Variants in CLPB observed in about 807,000 individuals in gnomAD.
The protein encoded by CLPB is mitochondrial disaggregase.
A neutral mutation model predicts 78.4 loss-of-function variants in CLPB; 40 were observed. The ratio of observed to expected loss-of-function variants is 0.51; its 90% CI spans 0.40 to 0.66. The LOEUF (loss-of-function observed/expected upper bound fraction) is 0.66, where lower values mean the gene tolerates loss of function less well. Among genes scored for constraint, CLPB ranks in the 30% least tolerant of loss-of-function variants. The pLI, the probability that CLPB is intolerant of heterozygous loss-of-function variation, is 0.00. For synonymous variants in CLPB, 333 were observed against 348.0 expected (o/e 0.96, Z 0.48); for missense variants, 780 against 886.9 (o/e 0.88, Z 1.53).
At chr11:72,362,049 G>C (rs1950849037) in intron 4 of CLPB, among the ~76,000 whole-genome samples, 2 of 152,200 alleles carry the variant, frequency 1.3e-5, no homozygotes, top group Non-Finnish European at 1.5e-5. Flanking sequence ...GAGGCCCACT[G>C]CTCACCTCAG....
At chr11:72,331,780 G>A (rs1362868565) in intron 5 of CLPB, among the ~76,000 whole-genome samples, 1 of 150,652 alleles carries the variant, frequency 6.6e-6, no homozygotes, top group Non-Finnish European at 1.5e-5. Flanking sequence ...CATCATGTTG[G>A]CCAGGCTGGT....
intron 3 of CLPB, among the ~76,000 whole-genome samples, chr11:72,392,404 GC>G (rs949531806): frequency 7.2e-5 from 11 of 152,116 alleles, no homozygotes; most frequent in African/African-American, 9.7e-5. Flanking sequence ...AAGCCGGGTG[GC>G]CCAACCAAAG....
Position 72,434,380 on chromosome 11 carries a change from G to C in CLPB, c.95C>G (p.Ala32Gly). The part of the protein sequence containing the change: ...RSPTLRGHGG[A>G]SGRNVTTGSL... Reference sequence around the variant, plus strand: ...CCCAGTAGTCACATTCCGGCCGGAAGCACCTCCATGGCCCCGGAGCGTTGG... The same window carrying C: ...CCCAGTAGTCACATTCCGGCCGGAACCACCTCCATGGCCCCGGAGCGTTGG... The change falls in exon 1 of 16, where the codon GCT (alanine) becomes GGT (glycine). Residue 32 changes from alanine (A) to glycine (G), a missense_variant. Around this residue, in one of 3 missense-constraint regions of CLPB, gnomAD observed 417 missense variants for 414.7 expected, o/e 1.01. Transcript: ENST00000538039. 6.2e-7 allele frequency: 1 copy of C among 1,611,602 alleles called. No individual in the cohort carries two copies. The highest frequency in any genetic ancestry group is 8.5e-7 in the Non-Finnish European group (1 of 1,178,734).
chr11:72,384,618 AG>A (rs1232377969), intron 3 of CLPB, among the ~76,000 whole-genome samples: 3 of 152,186 alleles, frequency 2.0e-5, no homozygotes, highest in Non-Finnish European at 4.4e-5. Context: ...GATTAAAAAG[AG>A]TAAGACCCTA....
chr11:72,422,480 A>G (rs1856239604), intron 2 of CLPB, among the ~76,000 whole-genome samples: 1 of 152,146 alleles, frequency 6.6e-6, no homozygotes, highest in African/African-American at 2.4e-5. Context: ...CCTTTCCAAC[A>G]TTCTGGAAAG....
At chr11:72,301,537 C>T (rs914290073) in intron 11 of CLPB, among the ~76,000 whole-genome samples, 7 of 152,172 alleles carry the variant, frequency 4.6e-5, no homozygotes, top group African/African-American at 1.7e-4. Context: ...TCTCATGGCA[C>T]CTCTGCCATA....
chr11:72,292,053 A>AG lies in CLPB; in HGVS notation c.*1313_*1314insC, dbSNP rs1949460909. ...GTGAGACTCTGTCTCAAAAAAAAAA[A>AG]AAAAAAAAAAAAGGCAGTCAGTGAG... On this transcript the variant is annotated 3_prime_UTR_variant, in exon 16 of 16. Coordinates refer to ENST00000538039, the MANE Select transcript of CLPB (RefSeq NM_001258392.3). 3 of 152,068 alleles carry AG rather than the reference A, an allele frequency of 2.0e-5. No individual in the cohort carries two copies. Among genetic ancestry groups the AG allele is most frequent in the Admixed American group, 6.6e-5 (1 of 15,206 alleles). The allele number at this position is 152,068 out of a possible 1,614,324, so 9.4% of individuals were successfully genotyped here.
chr11:72,337,687 G>C (rs911049444), intron 5 of CLPB, among the ~76,000 whole-genome samples: 2 of 151,950 alleles, frequency 1.3e-5, no homozygotes, highest in African/African-American at 4.8e-5. Context: ...TATTTTTTTA[G>C]GAAAGGAAGC....
intron 2 of CLPB, among the ~76,000 whole-genome samples, chr11:72,409,697 G>C (rs1275832548): frequency 6.6e-6 from 1 of 152,164 alleles, no homozygotes; most frequent in Non-Finnish European, 1.5e-5. Context: ...GGTTCTGGGG[G>C]CCAGGTGCAG....
intron 3 of CLPB, 21 bp downstream of exon 3, chr11:72,402,945 G>T (rs1488504176): frequency 5.0e-6 from 8 of 1,606,296 alleles, no homozygotes; most frequent in Non-Finnish European, 6.8e-6. Flanking sequence ...AAGGAGCCCT[G>T]TGTGGAAGGT....
intron 2 of CLPB, chr11:72,410,786 G>A (rs1855853100): frequency 6.6e-6 from 1 of 152,236 alleles, no homozygotes; most frequent in South Asian, 2.1e-4. Flanking sequence ...TGATCCTGGA[G>A]AGTCCAGCAG....
At chr11:72,425,242 G>A (rs557820922) in intron 2 of CLPB, among the ~76,000 whole-genome samples, 1 of 152,292 alleles carries the variant, frequency 6.6e-6, no homozygotes, top group East Asian at 1.9e-4. Context: ...TGCATAATTA[G>A]TTATCTGACT....
chr11:72,362,266 AC>A (rs1950854350), intron 4 of CLPB, among the ~76,000 whole-genome samples: 1 of 152,212 alleles, frequency 6.6e-6, no homozygotes, highest in African/African-American at 2.4e-5. Flanking sequence ...CTCCTCTAGC[AC>A]CTTAGGCATC....
chr11:72,368,492 G>A (rs993271442), intron 4 of CLPB, among the ~76,000 whole-genome samples: 1 of 152,078 alleles, frequency 6.6e-6, no homozygotes, highest in Non-Finnish European at 1.5e-5. Flanking sequence ...GTGATTACAT[G>A]GCTTTATTAT....
chr11:72,307,228 C>T lies in CLPB; in HGVS notation c.1093G>A (p.Ala365Thr). 1 of 1,614,112 alleles carries T rather than the reference C, an allele frequency of 6.2e-7. No individual in the cohort carries two copies. ...IGKTELAKQTAKYMHKDAKKG... is the reference protein window; with the variant it reads ...IGKTELAKQTTKYMHKDAKKG... The stretch of plus-strand genomic sequence containing the variant: ...TTAGCATCTTTGTGCATATATTTGG[C>T]TGTCTGCTTGGCCAGCTCTGTTTTT... The change falls in exon 9 of 16, where the codon GCC becomes ACC. Residue 365 changes from alanine (A) to threonine (T), a missense_variant. This residue lies in a region of CLPB where 91 missense variants were observed against 168.2 expected (regional missense o/e 0.54). Coordinates refer to ENST00000538039, the MANE Select transcript of CLPB (RefSeq NM_001258392.3).
intron 11 of CLPB, among the ~76,000 whole-genome samples, chr11:72,298,537 G>T (rs1041571571): frequency 6.6e-6 from 1 of 152,168 alleles, no homozygotes; most frequent in Non-Finnish European, 1.5e-5. Flanking sequence ...TGGCTCTGTT[G>T]CCCAGGTTGG....
chr11:72,398,239 C>T (rs1322737590), intron 3 of CLPB, among the ~76,000 whole-genome samples: 1 of 152,206 alleles, frequency 6.6e-6, no homozygotes, highest in Non-Finnish European at 1.5e-5. Context: ...AGCAAACAGG[C>T]CTGGCAGGCC....
At chr11:72,338,677 G>C (rs1950365040) in intron 5 of CLPB, among the ~76,000 whole-genome samples, 1 of 152,230 alleles carries the variant, frequency 6.6e-6, no homozygotes, top group African/African-American at 2.4e-5. Flanking sequence ...AACCGCTAGA[G>C]TTATTACCTG....
At chr11:72,412,285 C>T (rs1855900975) in intron 2 of CLPB, among the ~76,000 whole-genome samples, 1 of 152,180 alleles carries the variant, frequency 6.6e-6, no homozygotes, top group African/African-American at 2.4e-5. Flanking sequence ...TGCTCTCACT[C>T]CCAGTGAGAT....
Sources: allele counts gnomAD v4.1 joint callset (sites outside exome capture counted in the v4.1 genomes callset), GRCh38; gene constraint gnomAD v4.1.1; regional missense constraint gnomAD v4.1.1; transcripts MANE v1.5; gene names NCBI Gene and HGNC (gene_info 2026-07-23, HGNC 2026-07-21).